The following COL15A1 variants were observed in gnomAD, a reference collection of about 807,000 sequenced individuals.
COL15A1 encodes the protein collagen alpha-1(XV) chain.
Under a neutral mutation model 165.9 loss-of-function variants are expected in COL15A1, and 111 were observed. The ratio of observed to expected loss-of-function variants is 0.67; its 90% CI spans 0.57 to 0.78. The LOEUF is 0.78. Among genes scored for constraint, COL15A1 ranks in the 30% least tolerant of loss-of-function variants. COL15A1 has a pLI of 0.00. For synonymous variants in COL15A1, 659 were observed against 674.8 expected (o/e 0.98, Z 0.36); for missense variants, 1,745 against 1,789.7 (o/e 0.98, Z 0.45).
intron 23 of COL15A1, chr9:99,040,791 T>TACAAAG: frequency 7.7e-6 from 5 of 646,930 alleles, no homozygotes; most frequent in Non-Finnish European, 1.3e-5. Flanking sequence ...AGTGCTGGGA[T>TACAAAG]TACAAGCATG....
intron 2 of COL15A1, among the ~76,000 whole-genome samples, chr9:98,962,258 A>G (rs1461259076): frequency 6.6e-6 from 1 of 152,212 alleles, no homozygotes; most frequent in Non-Finnish European, 1.5e-5. Flanking sequence ...GGAGGTTTTT[A>G]GATGCTTTCA....
In COL15A1 at chr9:98,997,063, C is replaced by T; in HGVS notation, c.934C>T (p.His312Tyr). 1.9e-6 allele frequency: 3 copies of T among 1,614,206 alleles called. No homozygotes were observed. The highest frequency in any genetic ancestry group is 2.5e-6 in the Non-Finnish European group (3 of 1,180,042). The change falls in exon 6 of 42, where the codon CAC (histidine) becomes TAC (tyrosine). Residue 312 changes from histidine to tyrosine, a missense_variant. Transcript: ENST00000375001. ...AACCACCAACATGAGCATCATCCAG[C>T]ACAGCAGCCCCAAACAAGGCAAGTC... ...LETTNMSIIQ[H>Y]SSPKQGSGEI... is the part of the protein sequence containing the mutation.
chr9:99,063,124 T>C lies in COL15A1; in HGVS notation c.3651+15T>C. ...AGAAGCCTGCTGTAAGTACAATTTA[T>C]ACATTTAATCTTCAAATACTGAGTG... On this transcript the variant is annotated intron_variant, in intron 39 of 41. Coordinates refer to ENST00000375001, the MANE Select transcript of COL15A1 (RefSeq NM_001855.5). 2 of 1,579,662 alleles carry C rather than the reference T, an allele frequency of 1.3e-6. No homozygotes were observed. Among genetic ancestry groups the C allele is most frequent in the Non-Finnish European group, 1.7e-6 (2 of 1,168,934 alleles).
chr9:98,979,047 C>T (rs562753218), intron 2 of COL15A1, among the ~76,000 whole-genome samples: 2 of 152,166 alleles, frequency 1.3e-5, no homozygotes, highest in Non-Finnish European at 2.9e-5. Flanking sequence ...CATATTAGTA[C>T]TTAAGGAATC....
At chr9:98,947,587 G>A (rs1837606141) in intron 2 of COL15A1, among the ~76,000 whole-genome samples, 1 of 152,202 alleles carries the variant, frequency 6.6e-6, no homozygotes, top group South Asian at 2.1e-4. Context: ...CCCCAGATCT[G>A]GTGGGGCTTC....
At chr9:99,066,826 G>T in intron 39 of COL15A1, 56 bp from the exon 40 acceptor site, 1 of 1,505,664 alleles carries the variant, frequency 6.6e-7, no homozygotes. Context: ...AGATGGTTCT[G>T]GGGGCTGGAG....
At chr9:98,959,486 G>C (rs1052676469) in intron 2 of COL15A1, among the ~76,000 whole-genome samples, 14 of 152,116 alleles carry the variant, frequency 9.2e-5, no homozygotes, top group African/African-American at 3.4e-4. Flanking sequence ...AAACTGAGCT[G>C]CATACCATTC....
intron 6 of COL15A1, among the ~76,000 whole-genome samples, chr9:99,000,523 G>A (rs1228709010): frequency 6.6e-6 from 1 of 151,712 alleles, no homozygotes; most frequent in African/African-American, 2.4e-5. Flanking sequence ...TGCTTTATTT[G>A]CATTAACTTA....
intron 5 of COL15A1, among the ~76,000 whole-genome samples, chr9:98,995,572 C>G (rs1320748725): frequency 6.6e-6 from 1 of 152,194 alleles, no homozygotes; most frequent in Non-Finnish European, 1.5e-5. Flanking sequence ...GCCCTGGGCT[C>G]TTGCCAAGCT....
At chr9:99,010,909 T>C (rs1027568181) in intron 9 of COL15A1, among the ~76,000 whole-genome samples, 2 of 152,232 alleles carry the variant, frequency 1.3e-5, no homozygotes, top group African/African-American at 4.8e-5. Flanking sequence ...AAAGACCTTC[T>C]GCAGTGCGAC....
At position 99,024,885 on chromosome 9, in the gene COL15A1, AC is replaced by A; in HGVS notation, c.1871del (p.Pro624GlnfsTer54). The A allele has an allele frequency of 6.2e-7, 1 of 1,612,736 alleles. No individual in the cohort carries two copies. Among genetic ancestry groups the A allele is most frequent in the East Asian group, 2.2e-5 (1 of 44,834 alleles). On this transcript the variant is annotated frameshift_variant, in exon 15 of 42. Coordinates refer to ENST00000375001, the MANE Select transcript of COL15A1 (RefSeq NM_001855.5). LOFTEE classifies it high-confidence loss of function. ...SEQLLRGPPG[P>X]PGPPGLPGIP... is the part of the protein sequence containing the mutation. ...CTTTGTGTTTTTAGGGTCCTCCAGGACCCCCAGGGCCACCTGGCTTACCTGG... is the reference window on the plus strand; with the variant it reads ...CTTTGTGTTTTTAGGGTCCTCCAGGACCCCAGGGCCACCTGGCTTACCTGG...
At chr9:98,950,810 G>A (rs1176330835) in intron 2 of COL15A1, among the ~76,000 whole-genome samples, 1 of 151,890 alleles carries the variant, frequency 6.6e-6, no homozygotes, top group Non-Finnish European at 1.5e-5. Flanking sequence ...TCACCATATT[G>A]GTCATGTTGG....
intron 30 of COL15A1, among the ~76,000 whole-genome samples, chr9:99,051,483 T>C (rs1839586562): frequency 6.6e-6 from 1 of 152,196 alleles, no homozygotes. Context: ...ACAGCCAGCA[T>C]CTCATGAGCC....
intron 24 of COL15A1, among the ~76,000 whole-genome samples, chr9:99,042,362 T>G (rs763613080): frequency 5.9e-5 from 9 of 152,198 alleles, no homozygotes; most frequent in Admixed American, 6.5e-5. Context: ...GCGGTCACTC[T>G]CCAGCTGTTA....
intron 19 of COL15A1, 125 bp downstream of exon 19, chr9:99,035,543 C>A: frequency 8.8e-7 from 1 of 1,140,202 alleles, no homozygotes; most frequent in Non-Finnish European, 1.3e-6. Flanking sequence ...CTCCAGCCCC[C>A]AACTGTGCAA....
Position 98,984,855 on chromosome 9 carries a change from G to A in COL15A1, c.101-710G>A, listed in dbSNP as rs1015513130. On this transcript the variant is annotated intron_variant, in intron 2 of 41. Transcript: ENST00000375001. ...CACTGAGGCTGGAGTGCTGTGGTGC[G>A]ATCTCAGCTCACTGCAACCACCACC... Among the ~76,000 whole-genome samples, 8 of 152,124 alleles carry A rather than the reference G, an allele frequency of 5.3e-5. No homozygotes were observed. The East Asian group carries it at 5.8e-4, about 11-fold the overall frequency.
intron 2 of COL15A1, among the ~76,000 whole-genome samples, chr9:98,961,106 C>G (rs747676778): frequency 4.6e-5 from 7 of 152,196 alleles, no homozygotes; most frequent in Non-Finnish European, 1.0e-4. Flanking sequence ...AATGGCCATT[C>G]TGCCTGTTGT....
chr9:99,013,415 A>G (rs867050219), intron 9 of COL15A1, among the ~76,000 whole-genome samples: 2 of 152,154 alleles, frequency 1.3e-5, no homozygotes, highest in Admixed American at 6.5e-5. Flanking sequence ...TGTGAAAACA[A>G]TAGTTCAATT....
chr9:98,989,052 A>ACACG, intron 4 of COL15A1, 126 bp from the exon 5 acceptor site: 1 of 709,944 alleles, frequency 1.4e-6, no homozygotes, highest in Middle Eastern at 3.6e-4. Context: ...ACACACACAC[A>ACACG]CACACACACA....
Sources: gnomAD v4.1 joint callset for allele counts (sites outside exome capture counted in the v4.1 genomes callset) on GRCh38, gnomAD v4.1.1 for gene constraint, MANE v1.5 for transcripts, NCBI Gene and HGNC (gene_info 2026-07-23, HGNC 2026-07-21) for gene names.